LRRC4C: variants seen among roughly 807,000 people sequenced by gnomAD.
The protein encoded by LRRC4C is leucine rich repeat containing 4C.
In LRRC4C, 5 loss-of-function variants were observed where a neutral mutation model predicts 33.6. The ratio of observed to expected loss-of-function variants is 0.15; its 90% confidence interval spans 0.08 to 0.31. The LOEUF is 0.31. Among genes scored for constraint, LRRC4C ranks in the 10% least tolerant of loss-of-function variants. The pLI, the probability that LRRC4C is intolerant of heterozygous loss-of-function variation, is 1.00. For synonymous variants in LRRC4C, 329 were observed against 302.0 expected (o/e 1.09, Z -0.93); for missense variants, 560 against 796.7 (o/e 0.70, Z 3.58).
chr11:40,722,590 A>G (rs984212896), intron 2 of LRRC4C, among the ~76,000 whole-genome samples: 1 of 152,188 alleles, frequency 6.6e-6, no homozygotes, highest in African/African-American at 2.4e-5. Context: ...TAAGAATATG[A>G]GAACAAAGAG....
chr11:40,207,577 T>C (rs1024359580), intron 5 of LRRC4C, among the ~76,000 whole-genome samples: 6 of 152,164 alleles, frequency 3.9e-5, no homozygotes, highest in Admixed American at 2.6e-4. Flanking sequence ...CACTCTAGCC[T>C]GGGCAACAGA....
intron 1 of LRRC4C, among the ~76,000 whole-genome samples, chr11:40,962,987 T>C (rs919955741): frequency 2.0e-5 from 3 of 151,720 alleles, no homozygotes; most frequent in African/African-American, 7.2e-5. Context: ...TCTGTGGACT[T>C]ATTTGAAGAT....
chr11:41,006,789 T>A (rs760290072), intron 1 of LRRC4C, among the ~76,000 whole-genome samples: 1 of 152,132 alleles, frequency 6.6e-6, no homozygotes, highest in Non-Finnish European at 1.5e-5. Context: ...TTTTGCAATG[T>A]CTTATATTCA....
chr11:41,081,812 C>G (rs919913654), intron 1 of LRRC4C, among the ~76,000 whole-genome samples: 1 of 152,020 alleles, frequency 6.6e-6, no homozygotes, highest in Non-Finnish European at 1.5e-5. Flanking sequence ...CTAAGACAGA[C>G]GAAAGTAGCC....
chr11:40,868,022 G>T (rs1207052930), intron 2 of LRRC4C, among the ~76,000 whole-genome samples: 1 of 152,144 alleles, frequency 6.6e-6, no homozygotes, highest in Non-Finnish European at 1.5e-5. Flanking sequence ...TCCAGAAAAA[G>T]AGAGCTAGGG....
At chr11:41,316,279 A>AC (rs751301254) in intron 1 of LRRC4C, among the ~76,000 whole-genome samples, 1 of 147,084 alleles carries the variant, frequency 6.8e-6, no homozygotes, top group Non-Finnish European at 1.5e-5. Flanking sequence ...AAAAAAAAAA[A>AC]CAAAAAAAAA....
At chr11:40,982,459 T>C (rs1852611540) in intron 1 of LRRC4C, among the ~76,000 whole-genome samples, 1 of 152,088 alleles carries the variant, frequency 6.6e-6, no homozygotes. Context: ...ACACATTGCA[T>C]AGTATGATAA....
In LRRC4C at chr11:41,247,590, C is replaced by T. The variant is rs576657528; in HGVS notation, c.-496+211841G>A. 3.9e-5 allele frequency among the ~76,000 whole-genome samples: 6 copies of T among 152,226 alleles called. No homozygotes were observed. In the South Asian group the frequency reaches 1.2e-3, roughly 32 times the overall value. ...AATGGCCAAATTATCTTAATTGTCT[C>T]AGAAGTGGTACTAAAGTTTGAAAAA... On this transcript the variant is annotated intron_variant, in intron 1 of 6. Coordinates refer to ENST00000528697, the MANE Select transcript of LRRC4C (RefSeq NM_001258419.2).
chr11:41,119,820 A>G (rs1219164225), intron 1 of LRRC4C, among the ~76,000 whole-genome samples: 1 of 152,176 alleles, frequency 6.6e-6, no homozygotes, highest in Non-Finnish European at 1.5e-5. Flanking sequence ...AACTATTGAA[A>G]TAAATAATGA....
chr11:40,602,220 A>G (rs2135815513), intron 3 of LRRC4C, among the ~76,000 whole-genome samples: 2 of 151,224 alleles, frequency 1.3e-5, no homozygotes, highest in East Asian at 3.9e-4. Flanking sequence ...AGAAAAAAAA[A>G]GAGGTATGTG....
At chr11:40,179,638 G>T (rs1297242127) in intron 5 of LRRC4C, among the ~76,000 whole-genome samples, 2 of 152,170 alleles carry the variant, frequency 1.3e-5, no homozygotes, top group Admixed American at 1.3e-4. Context: ...CATAGGCACA[G>T]AGATCAGGAC....
chr11:40,724,059 T>A (rs1433626231), intron 2 of LRRC4C, among the ~76,000 whole-genome samples: 1 of 151,496 alleles, frequency 6.6e-6, no homozygotes. Flanking sequence ...ACAAGAAAGC[T>A]TAATTATCCT....
intron 2 of LRRC4C, among the ~76,000 whole-genome samples, chr11:40,674,955 G>C (rs1353014203): frequency 6.6e-6 from 1 of 152,156 alleles, no homozygotes; most frequent in Non-Finnish European, 1.5e-5. Flanking sequence ...TCAAATCCAA[G>C]TGTGTCAGAA....
At chr11:41,295,786 A>G (rs1424229206) in intron 1 of LRRC4C, among the ~76,000 whole-genome samples, 1 of 152,172 alleles carries the variant, frequency 6.6e-6, no homozygotes, top group African/African-American at 2.4e-5. Context: ...TTTCTTGACT[A>G]AAGTCAAGTG....
At chr11:41,058,844 T>C (rs1858836970) in intron 1 of LRRC4C, among the ~76,000 whole-genome samples, 1 of 152,170 alleles carries the variant, frequency 6.6e-6, no homozygotes, top group Admixed American at 6.5e-5. Flanking sequence ...AAAGAAAATA[T>C]GGTGATTATA....
At chr11:41,206,942 A>T (rs1240573217) in intron 1 of LRRC4C, among the ~76,000 whole-genome samples, 1 of 152,178 alleles carries the variant, frequency 6.6e-6, no homozygotes, top group Non-Finnish European at 1.5e-5. Context: ...TTATACCTAC[A>T]TTATAAGTAT....
At chr11:41,318,082 G>T (rs538420605) in intron 1 of LRRC4C, among the ~76,000 whole-genome samples, 1 of 152,068 alleles carries the variant, frequency 6.6e-6, no homozygotes, top group Admixed American at 6.5e-5. Context: ...ACAACATAAA[G>T]AGAGGCCCAC....
intron 2 of LRRC4C, among the ~76,000 whole-genome samples, chr11:40,686,141 C>T (rs1298439047): frequency 6.6e-6 from 1 of 152,002 alleles, no homozygotes; most frequent in Non-Finnish European, 1.5e-5. Flanking sequence ...CTGCTCACTG[C>T]CTTGGGATCC....
At chr11:40,676,523 A>G (rs1372853554) in intron 2 of LRRC4C, among the ~76,000 whole-genome samples, 1 of 152,160 alleles carries the variant, frequency 6.6e-6, no homozygotes, top group East Asian at 1.9e-4. Context: ...ATTTCCTTCA[A>G]GCTTCATCAA....
Sources: allele counts gnomAD v4.1 joint callset (sites outside exome capture counted in the v4.1 genomes callset), GRCh38; gene constraint gnomAD v4.1.1; transcripts MANE v1.5; gene names NCBI Gene and HGNC (gene_info 2026-07-23, HGNC 2026-07-21).